PRRC2B: variants seen among roughly 807,000 people sequenced by gnomAD.
The protein encoded by PRRC2B is proline rich coiled-coil 2B.
In PRRC2B, 68 loss-of-function variants were observed where a neutral mutation model predicts 242.3. That is an observed-to-expected ratio of 0.28 (90% CI 0.23 to 0.34). PRRC2B has a LOEUF of 0.34. PRRC2B is among the 10% of genes least tolerant of loss of function. The probability of loss-of-function intolerance (pLI) is 1.00; values close to 1 mark genes in which losing one functional copy is unlikely to be tolerated. For missense variants in PRRC2B, 2,835 were observed against 2,954.8 expected, an observed-to-expected ratio of 0.96 and a Z score of 0.94; for synonymous variants, 1,228 against 1,173.6, an observed-to-expected ratio of 1.05 and a Z score of -0.95.
At chr9:131,410,176 G>A (rs1045907723) in intron 1 of PRRC2B, among the ~76,000 whole-genome samples, 7 of 152,202 alleles carry the variant, frequency 4.6e-5, no homozygotes, top group Non-Finnish European at 1.0e-4. Context: ...GGAACTTGGA[G>A]ACCGCATATG....
intron 1 of PRRC2B, among the ~76,000 whole-genome samples, chr9:131,422,691 G>A (rs1837876165): frequency 6.6e-6 from 1 of 152,220 alleles, no homozygotes; most frequent in Admixed American, 6.5e-5. Context: ...CAGATAGCAG[G>A]AACCTGTTGG....
intron 3 of PRRC2B, among the ~76,000 whole-genome samples, chr9:131,434,619 T>A (rs1220221544): frequency 2.0e-5 from 3 of 152,206 alleles, no homozygotes; most frequent in African/African-American, 7.2e-5. Flanking sequence ...GCCTTCTGTT[T>A]GTAATAATCA....
intron 4 of PRRC2B, among the ~76,000 whole-genome samples, chr9:131,437,909 G>A (rs1326007038): frequency 6.6e-6 from 1 of 152,170 alleles, no homozygotes; most frequent in Non-Finnish European, 1.5e-5. Flanking sequence ...TATGTGCTCA[G>A]ACCCCACCAC....
chr9:131,398,370 G>A lies in PRRC2B; in HGVS notation c.-52+4107G>A, dbSNP rs150806296. 1.9e-3 allele frequency among the ~76,000 whole-genome samples: 297 copies of A among 152,360 alleles called. 1 individual carries two copies. The highest frequency in any genetic ancestry group is 6.8e-3 in the African/African-American group (284 of 41,586). The stretch of plus-strand genomic sequence containing the variant: ...AAGCATCCTTCGTCCGAGCTGAAGT[G>A]CACCTCCGAGGTGCTGGCAGCAGCA... On this transcript the variant is annotated intron_variant, in intron 1 of 31. Transcript: ENST00000683519.
rs1285943599 is a variant in PRRC2B at position 131,394,128 on chromosome 9, C to G, written c.-187C>G. ...TCCACCGCGCAGCGACGAGCGAGCC[C>G]GGGAGGAGGGAGGGAGCGAGCGAGC... On this transcript the variant is annotated 5_prime_UTR_variant, in exon 1 of 32. Coordinates refer to ENST00000683519, the MANE Select transcript of PRRC2B (RefSeq NM_013318.4). The G allele has an allele frequency of 6.7e-6, 1 of 149,208 alleles. No homozygotes were observed. Among genetic ancestry groups the G allele is most frequent in the Non-Finnish European group, 1.5e-5 (1 of 66,492 alleles). The allele number at this position is 149,208 out of a possible 1,614,324, so 9.2% of individuals were successfully genotyped here. A position where few individuals can be genotyped will look rare whatever the true frequency, so the allele number is the denominator to read the frequency against.
At position 131,467,710 on chromosome 9, in the gene PRRC2B, C is replaced by G; in HGVS notation, c.1868C>G (p.Ser623Cys). 6.2e-7 allele frequency: 1 copy of G among 1,613,902 alleles called. No homozygotes were observed. The highest frequency in any genetic ancestry group is 8.5e-7 in the Non-Finnish European group (1 of 1,179,878). The change falls in exon 13 of 32, where the codon TCC becomes TGC. Residue 623 changes from serine (S) to cysteine (C), a missense_variant. Around this residue, in one of 7 missense-constraint regions of PRRC2B, gnomAD observed 1,536 missense variants for 1,483.1 expected, o/e 1.04. Transcript: ENST00000683519. Reference protein sequence around the residue: ...SPAQEFKYQKSLPPRFQRQQQ... With the variant: ...SPAQEFKYQKCLPPRFQRQQQ... ...GCACAGGAGTTCAAGTATCAGAAGT[C>G]CCTTCCTCCCCGATTCCAGCGCCAG...
rs137876342 is a variant in PRRC2B, at chr9:131,398,519, G to A, written c.-52+4256G>A. Reference sequence around the variant, plus strand: ...CGTTCTTACCTCTGCAGCCAGTTGTGTGGCTTCCGTCTGGACCGTCTTCCT... The same window carrying A: ...CGTTCTTACCTCTGCAGCCAGTTGTATGGCTTCCGTCTGGACCGTCTTCCT... On this transcript the variant is annotated intron_variant, in intron 1 of 31. Coordinates refer to ENST00000683519, the MANE Select transcript of PRRC2B (RefSeq NM_013318.4). Among the ~76,000 whole-genome samples, 1,131 of 152,296 alleles carry A rather than the reference G, an allele frequency of 7.4e-3. 11 individuals carry two copies. The highest frequency in any genetic ancestry group is 0.024 in the Middle Eastern group (7 of 294).
chr9:131,483,499 C>T, intron 23 of PRRC2B, 54 bp downstream of exon 23: 1 of 1,503,112 alleles, frequency 6.7e-7, no homozygotes. Flanking sequence ...CTGGCAGGCC[C>T]TGGGTGAAGG....
intron 1 of PRRC2B, among the ~76,000 whole-genome samples, chr9:131,420,907 C>T (rs982233123): frequency 3.3e-5 from 5 of 152,154 alleles, no homozygotes; most frequent in South Asian, 4.1e-4. Flanking sequence ...CTGGTTCCCC[C>T]ACCCTGATAT....
At chr9:131,431,366 G>A (rs1021169205) in intron 2 of PRRC2B, among the ~76,000 whole-genome samples, 21 of 151,884 alleles carry the variant, frequency 1.4e-4, no homozygotes, top group East Asian at 2.0e-4. Context: ...TCCTGACCTC[G>A]TGATCGGCTT....
At position 131,475,991 on chromosome 9, in the gene PRRC2B, G is replaced by C. The variant is rs752818835; in HGVS notation, c.3862G>C (p.Val1288Leu). Reference protein sequence around the residue: ...DKRSFFQDEHVADSENAENRP... With the variant: ...DKRSFFQDEHLADSENAENRP... The stretch of plus-strand genomic sequence containing the variant: ...GAGATCCTTCTTCCAAGATGAACAC[G>C]TGGCAGATTCTGAAAATGCAGAGAA... The change falls in exon 16 of 32, where the codon GTG becomes CTG. Residue 1288 changes from valine (V) to leucine (L), a missense_variant. Physicochemically the swap from Val to Leu is conservative, Grantham distance 32. Around this residue, in one of 7 missense-constraint regions of PRRC2B, gnomAD observed 1,536 missense variants for 1,483.1 expected, o/e 1.04. Coordinates refer to ENST00000683519, the MANE Select transcript of PRRC2B (RefSeq NM_013318.4). 2 of 1,607,722 alleles carry C rather than the reference G, an allele frequency of 1.2e-6. No homozygotes were observed. The highest frequency in any genetic ancestry group is 1.7e-6 in the Non-Finnish European group (2 of 1,175,166).
intron 1 of PRRC2B, among the ~76,000 whole-genome samples, chr9:131,396,824 A>G (rs1462408050): frequency 2.0e-5 from 3 of 152,080 alleles, no homozygotes; most frequent in South Asian, 4.2e-4. Context: ...TGGAAGGACT[A>G]TTGCTAAGAA....
chr9:131,403,852 T>C (rs759688851), intron 1 of PRRC2B, among the ~76,000 whole-genome samples: 3 of 152,160 alleles, frequency 2.0e-5, no homozygotes, highest in Non-Finnish European at 4.4e-5. Flanking sequence ...TACTATATTG[T>C]ATTGCAACTT....
chr9:131,434,717 T>C (rs1201885164), intron 3 of PRRC2B, among the ~76,000 whole-genome samples: 2 of 152,202 alleles, frequency 1.3e-5, no homozygotes, highest in Non-Finnish European at 2.9e-5. Flanking sequence ...GCCACTTGTA[T>C]TGGAGGAGTT....
chr9:131,446,268 T>C lies in PRRC2B; in HGVS notation c.614-133T>C. 9.0e-7 allele frequency: 1 copy of C among 1,116,594 alleles called. No homozygotes were observed. Among genetic ancestry groups the C allele is most frequent in the Non-Finnish European group, 1.2e-6 (1 of 801,036 alleles). 69.2% of individuals were successfully genotyped at this position (1,116,594 alleles called of 1,614,324 possible). ...CTTCCCTGACAGATTTAACAGTTCTTCACTTTTGGTGTTTTTTGTTTTTCA... is the reference window on the plus strand; with the variant it reads ...CTTCCCTGACAGATTTAACAGTTCTCCACTTTTGGTGTTTTTTGTTTTTCA... On this transcript the variant is annotated intron_variant, in intron 6 of 31. Transcript: ENST00000683519. This position sits in a 1 kb window ranked among gnomAD's most constrained non-coding sequence, Gnocchi z 4.1.
At chr9:131,428,650 G>C (rs1222441383) in intron 1 of PRRC2B, among the ~76,000 whole-genome samples, 2 of 152,118 alleles carry the variant, frequency 1.3e-5, no homozygotes, top group African/African-American at 2.4e-5. Flanking sequence ...GCCCACCTCA[G>C]CCTCCCAAAG....
chr9:131,459,343 G>A lies in PRRC2B; in HGVS notation c.1391G>A (p.Gly464Asp), dbSNP rs768397687. The part of the protein sequence containing the change: ...PPRKLHGWAP[G>D]PDYQKSSMGS... ...AGGAAGCTTCATGGCTGGGCACCAG[G>A]CCCTGACTACCAGGTACCAAGGGCC... is the stretch of plus-strand genomic sequence containing the variant. Residue 464 changes from glycine to aspartate, a missense_variant, in exon 11 of 32, where the codon GGC (glycine) becomes GAC (aspartate). Around this residue, in one of 7 missense-constraint regions of PRRC2B, gnomAD observed 626 missense variants for 685.5 expected, o/e 0.91. Coordinates refer to ENST00000683519, the MANE Select transcript of PRRC2B (RefSeq NM_013318.4). 2 of 1,613,086 alleles carry A rather than the reference G, an allele frequency of 1.2e-6. No homozygotes were observed. The highest frequency in any genetic ancestry group is 3.3e-5 in the Admixed American group (2 of 59,864).
intron 1 of PRRC2B, among the ~76,000 whole-genome samples, chr9:131,409,189 A>G (rs1837442962): frequency 6.6e-6 from 1 of 151,614 alleles, no homozygotes; most frequent in Non-Finnish European, 1.5e-5. Context: ...CGCCCGGCTA[A>G]TTTTGTATTT....
chr9:131,490,880 G>A (rs937089944), intron 28 of PRRC2B: 6 of 315,842 alleles, frequency 1.9e-5, no homozygotes, highest in East Asian at 7.7e-5. Flanking sequence ...TTCCTCACTC[G>A]TCCTCTCCTT....
Sources: gnomAD v4.1 joint callset for allele counts (sites outside exome capture counted in the v4.1 genomes callset) on GRCh38, gnomAD v4.1.1 for gene constraint, gnomAD v4.1.1 regional missense constraint, Gnocchi (gnomAD v3.1) non-coding constraint, MANE v1.5 for transcripts, NCBI Gene and HGNC (gene_info 2026-07-23, HGNC 2026-07-21) for gene names.